The following ANKRD13B variants were observed in gnomAD, a reference collection of about 807,000 sequenced individuals.
ANKRD13B encodes the protein ankyrin repeat domain 13B, also known as ankyrin repeat domain-containing protein 13B.
In ANKRD13B, 33 loss-of-function variants were observed where a neutral mutation model predicts 74.4. The ratio of observed to expected loss-of-function variants is 0.44; its 90% CI spans 0.34 to 0.59. The LOEUF (loss-of-function observed/expected upper bound fraction) is 0.59. Among genes scored for constraint, ANKRD13B ranks in the 20% least tolerant of loss-of-function variants. ANKRD13B has a pLI of 0.02. For missense variants in ANKRD13B, 676 were observed against 877.9 expected, an observed-to-expected ratio of 0.77 and a Z score of 2.91; for synonymous variants, 341 against 362.9, an observed-to-expected ratio of 0.94 and a Z score of 0.68.
chr17:29,609,171 G>A lies in ANKRD13B; in HGVS notation c.651G>A (p.Glu217=), dbSNP rs780321432. ...TGGCACTGGCTGGGCAGGACCGGGA[G>A]CTGCTGCTGGCTGCTGCTCAGCCCA... is the stretch of plus-strand genomic sequence containing the variant. ...ETLALAGQDR[E]LLLAAAQPTE... The change falls in exon 6 of 15, where the codon GAG becomes GAA. Residue 217 remains glutamate, a synonymous_variant. Coordinates refer to ENST00000394859, the MANE Select transcript of ANKRD13B (RefSeq NM_152345.5). The surrounding 1 kb of genome is among the most constrained non-coding windows in gnomAD (Gnocchi z 4.0). The A allele has an allele frequency of 6.2e-7, 1 of 1,612,098 alleles. No homozygotes were observed. Among genetic ancestry groups the A allele is most frequent in the Non-Finnish European group, 8.5e-7 (1 of 1,180,008 alleles).
rs146795223 is a variant in ANKRD13B at position 29,609,385 on chromosome 17, T to G, written c.786T>G (p.Ser262Arg). 53 of 1,613,498 alleles carry G rather than the reference T, an allele frequency of 3.3e-5. No homozygotes were observed. Among genetic ancestry groups the G allele is most frequent in the Non-Finnish European group, 4.2e-5 (50 of 1,180,022 alleles). Residue 262 changes from serine to arginine, a missense_variant, in exon 7 of 15, where the codon AGT becomes AGG. Physicochemically the swap from Ser to Arg is moderately radical, Grantham distance 110 (BLOSUM62 -1). This residue lies in a region of ANKRD13B where 328 missense variants were observed against 518.4 expected (regional missense o/e 0.63). Coordinates refer to ENST00000394859, the MANE Select transcript of ANKRD13B (RefSeq NM_152345.5). This position sits in a 1 kb window ranked among gnomAD's most constrained non-coding sequence, Gnocchi z 4.0. Reference protein sequence around the residue: ...RNKTGILGWRSEKTEMVNGYE... With the variant: ...RNKTGILGWRREKTEMVNGYE... Reference sequence around the variant, plus strand: ...AGACTGGCATCCTGGGCTGGCGCAGTGAAAAGACGGAGATGGTGAATGGGT... The same window carrying G: ...AGACTGGCATCCTGGGCTGGCGCAGGGAAAAGACGGAGATGGTGAATGGGT...
intron 1 of ANKRD13B, among the ~76,000 whole-genome samples, chr17:29,599,637 C>T (rs2034081738): frequency 6.6e-6 from 1 of 151,864 alleles, no homozygotes; most frequent in Non-Finnish European, 1.5e-5. Context: ...GTGCAGCTGT[C>T]CAGGAATGCA....
Position 29,593,530 on chromosome 17 carries a change from G to A in ANKRD13B, c.-92G>A. 2.3e-6 allele frequency: 1 copy of A among 441,514 alleles called. No homozygotes were observed. The highest frequency in any genetic ancestry group is 3.0e-6 in the Non-Finnish European group (1 of 332,128). 27.3% of individuals were successfully genotyped at this position (441,514 alleles called of 1,614,324 possible). On this transcript the variant is annotated 5_prime_UTR_variant, in exon 1 of 15. Transcript: ENST00000394859. The stretch of plus-strand genomic sequence containing the variant: ...AGCCGCAGCCCCGCGAGCAGGCAGC[G>A]CCGGCCCCCCGCCCCGCGGCCCCGG...
At position 29,612,042 on chromosome 17, in the gene ANKRD13B, C is replaced by T. The variant is rs181293455; in HGVS notation, c.1100+36C>T. ...TGCCGGTGCTGGGAAGGTGGGGGGCCGGGGCTCCAGGAGATGCTGGGAGGC... is the reference window on the plus strand; with the variant it reads ...TGCCGGTGCTGGGAAGGTGGGGGGCTGGGGCTCCAGGAGATGCTGGGAGGC... On this transcript the variant is annotated intron_variant, in intron 10 of 14. Coordinates refer to ENST00000394859, the MANE Select transcript of ANKRD13B (RefSeq NM_152345.5). This position sits in a 1 kb window ranked among gnomAD's most constrained non-coding sequence, Gnocchi z 6.1. The T allele has an allele frequency of 1.2e-4, 188 of 1,608,522 alleles. No homozygotes were observed. The African/African-American group carries it at 1.8e-3, about 16-fold the overall frequency.
intron 1 of ANKRD13B, 179 bp downstream of exon 1, chr17:29,593,914 G>A: frequency 2.9e-6 from 1 of 343,870 alleles, no homozygotes; most frequent in Non-Finnish European, 5.2e-6. Context: ...GGCCGGGACG[G>A]GCGGGACCAC....
At chr17:29,596,080 T>C (rs1390141875) in intron 1 of ANKRD13B, among the ~76,000 whole-genome samples, 1 of 152,212 alleles carries the variant, frequency 6.6e-6, no homozygotes, top group African/African-American at 2.4e-5. Flanking sequence ...CAGCTCGGCT[T>C]TCCTCAAGCA....
Position 29,612,230 on chromosome 17 carries a change from C to A in ANKRD13B, c.1215C>A (p.Asp405Glu). Reference protein sequence around the residue: ...VSNALFAKLRDFITLRLPPGF... With the variant: ...VSNALFAKLREFITLRLPPGF... ...ATGCGCTTTTTGCCAAGCTCCGGGA[C>A]TTCATCACCCTGCGTCTGCCTCCTG... The change falls in exon 11 of 15, where the codon GAC becomes GAA. Residue 405 changes from aspartate (D) to glutamate (E), a missense_variant. Physicochemically the swap from Asp to Glu is conservative, Grantham distance 45. Coordinates refer to ENST00000394859, the MANE Select transcript of ANKRD13B (RefSeq NM_152345.5). This position sits in a 1 kb window ranked among gnomAD's most constrained non-coding sequence, Gnocchi z 6.1. 6.2e-7 allele frequency: 1 copy of A among 1,614,122 alleles called. No individual in the cohort carries two copies. Among genetic ancestry groups the A allele is most frequent in the Admixed American group, 1.7e-5 (1 of 60,018 alleles).
chr17:29,611,609 G>T lies in ANKRD13B; in HGVS notation c.935G>T (p.Gly312Val). ...GCKTPLQSFL[G>V]IAEQHGGPQN... is the part of the protein sequence containing the mutation. Reference sequence around the variant, plus strand: ...AAGACACCTTTGCAGTCCTTCCTGGGAATCGCTGAGCAGCACGGGGGCCCC... The same window carrying T: ...AAGACACCTTTGCAGTCCTTCCTGGTAATCGCTGAGCAGCACGGGGGCCCC... The change falls in exon 9 of 15, where the codon GGA becomes GTA. Residue 312 changes from glycine (G) to valine (V), a missense_variant. Transcript: ENST00000394859. This position sits in a 1 kb window ranked among gnomAD's most constrained non-coding sequence, Gnocchi z 4.3. 1 of 1,614,206 alleles carries T rather than the reference G, an allele frequency of 6.2e-7. No homozygotes were observed. The highest frequency in any genetic ancestry group is 8.5e-7 in the Non-Finnish European group (1 of 1,180,020).
rs2034588252 is a variant in ANKRD13B at position 29,611,803 on chromosome 17, T to A, written c.970-73T>A. On this transcript the variant is annotated intron_variant, in intron 9 of 14. Transcript: ENST00000394859. The surrounding 1 kb of genome is among the most constrained non-coding windows in gnomAD (Gnocchi z 4.3). Reference sequence around the variant, plus strand: ...TGGCAGAGGGGACAGCTTGGGGGCCTTGTGACAACAAATGAGTTGGCCTGG... The same window carrying A: ...TGGCAGAGGGGACAGCTTGGGGGCCATGTGACAACAAATGAGTTGGCCTGG... 2 of 1,565,052 alleles carry A rather than the reference T, an allele frequency of 1.3e-6. No homozygotes were observed. The highest frequency in any genetic ancestry group is 1.4e-5 in the African/African-American group (1 of 73,752).
intron 1 of ANKRD13B, among the ~76,000 whole-genome samples, 169 bp from the exon 2 acceptor site, chr17:29,607,573 G>A (rs2150894333): frequency 6.6e-6 from 1 of 152,354 alleles, no homozygotes; most frequent in South Asian, 2.1e-4. Flanking sequence ...CATAGTGTCT[G>A]TCTTTCCGTT....
At chr17:29,599,922 G>A (rs1001972495) in intron 1 of ANKRD13B, among the ~76,000 whole-genome samples, 7 of 116,560 alleles carry the variant, frequency 6.0e-5, no homozygotes, top group South Asian at 3.0e-4. Context: ...TGTCCCCCGC[G>A]CTAGAGTGCA....
Position 29,608,329 on chromosome 17 carries a change from T to A in ANKRD13B, c.421+89T>A. On this transcript the variant is annotated intron_variant, in intron 4 of 14. Coordinates refer to ENST00000394859, the MANE Select transcript of ANKRD13B (RefSeq NM_152345.5). The surrounding 1 kb of genome is among the most constrained non-coding windows in gnomAD (Gnocchi z 6.4). The stretch of plus-strand genomic sequence containing the variant: ...GCCTGGAATGTGTTCTCATAGTTCT[T>A]CCGGCGGTTCCCTCTATGCCTTAGC... 6.4e-7 allele frequency: 1 copy of A among 1,551,614 alleles called. No individual in the cohort carries two copies.
intron 2 of ANKRD13B, 49 bp from the exon 3 acceptor site, chr17:29,607,937 T>C (rs1032792488): frequency 1.9e-6 from 3 of 1,579,100 alleles, no homozygotes; most frequent in Non-Finnish European, 2.6e-6. Flanking sequence ...CATAGACCTA[T>C]GGTTGGCTGA....
chr17:29,600,793 C>T (rs1439063631), intron 1 of ANKRD13B, among the ~76,000 whole-genome samples: 1 of 152,210 alleles, frequency 6.6e-6, no homozygotes, highest in Non-Finnish European at 1.5e-5. Context: ...GCTTTAGTTT[C>T]AGCTTCCTCT....
At chr17:29,597,945 A>G (rs77960128) in intron 1 of ANKRD13B, among the ~76,000 whole-genome samples, 1,904 of 152,210 alleles carry the variant, frequency 0.013, 49 homozygotes, top group African/African-American at 0.043. Context: ...CCCTGAGGCC[A>G]GGCAGCGGCC....
intron 1 of ANKRD13B, among the ~76,000 whole-genome samples, chr17:29,602,691 T>C (rs934078838): frequency 1.3e-5 from 2 of 152,194 alleles, no homozygotes; most frequent in Non-Finnish European, 2.9e-5. Context: ...CTTAACTTAA[T>C]TATGTCTGCA....
chr17:29,594,349 C>T (rs1356912459), intron 1 of ANKRD13B, among the ~76,000 whole-genome samples: 4 of 152,182 alleles, frequency 2.6e-5, no homozygotes, highest in Non-Finnish European at 5.9e-5. Context: ...CCCTCTGGTG[C>T]TGGGGCCTGG....
chr17:29,611,699 A>C lies in ANKRD13B; in HGVS notation c.969+56A>C. On this transcript the variant is annotated intron_variant, in intron 9 of 14. Coordinates refer to ENST00000394859, the MANE Select transcript of ANKRD13B (RefSeq NM_152345.5). This position sits in a 1 kb window ranked among gnomAD's most constrained non-coding sequence, Gnocchi z 4.3. ...AGGGATGTGGATGTGGCTCAGGAGG[A>C]GGCTTGGGAAGCGTCCTGCTTAGCA... 3 of 1,599,224 alleles carry C rather than the reference A, an allele frequency of 1.9e-6. No individual in the cohort carries two copies. Among genetic ancestry groups the C allele is most frequent in the South Asian group, 1.1e-5 (1 of 90,818 alleles).
At chr17:29,607,464 T>C (rs949416955) in intron 1 of ANKRD13B, among the ~76,000 whole-genome samples, 1 of 152,192 alleles carries the variant, frequency 6.6e-6, no homozygotes, top group African/African-American at 2.4e-5. Flanking sequence ...CCAGGGGCCC[T>C]TGGTGGACAG....
Sources: gnomAD v4.1 joint callset for allele counts (sites outside exome capture counted in the v4.1 genomes callset) on GRCh38, gnomAD v4.1.1 for gene constraint, gnomAD v4.1.1 regional missense constraint, Gnocchi (gnomAD v3.1) non-coding constraint, MANE v1.5 for transcripts, NCBI Gene and HGNC (gene_info 2026-07-23, HGNC 2026-07-21) for gene names.